The following PKNOX2 variants were observed in gnomAD, a reference collection of about 807,000 sequenced individuals.
PKNOX2 encodes PBX/knotted 1 homeobox 2, also known as homeobox protein PKNOX2.
A neutral mutation model predicts 53.1 loss-of-function variants in PKNOX2; 14 were observed. The ratio of observed to expected loss-of-function variants is 0.26; its 90% confidence interval spans 0.17 to 0.41. The LOEUF is 0.41. Ranked by LOEUF, PKNOX2 falls within the 10% of genes least tolerant of loss-of-function variation. The pLI, the probability that PKNOX2 is intolerant of heterozygous loss-of-function variation, is 1.00. For synonymous variants in PKNOX2, 257 were observed against 242.8 expected (o/e 1.06, Z -0.54); for missense variants, 496 against 602.8 (o/e 0.82, Z 1.85).
At chr11:125,170,231 C>G (rs932464618) in intron 1 of PKNOX2, among the ~76,000 whole-genome samples, 1 of 152,208 alleles carries the variant, frequency 6.6e-6, no homozygotes, top group African/African-American at 2.4e-5. Flanking sequence ...TCGTAGACTC[C>G]TTCTGTTCCG....
intron 6 of PKNOX2, 81 bp downstream of exon 6, chr11:125,385,803 T>G: frequency 9.4e-6 from 14 of 1,495,204 alleles, no homozygotes; most frequent in Non-Finnish European, 1.3e-5. Context: ...AATGATCCTT[T>G]CATTAATTTA....
chr11:125,187,078 T>C (rs1422946383), intron 1 of PKNOX2, among the ~76,000 whole-genome samples: 1 of 152,210 alleles, frequency 6.6e-6, no homozygotes, highest in Non-Finnish European at 1.5e-5. Context: ...TAAATGTCCA[T>C]CCCCATACCA....
intron 12 of PKNOX2, 82 bp from the exon 13 acceptor site, chr11:125,431,084 T>C: frequency 1.3e-6 from 2 of 1,518,122 alleles, no homozygotes; most frequent in South Asian, 1.3e-5. Flanking sequence ...TATGAGCCAG[T>C]CCATTAAACC....
At chr11:125,193,840 AC>A (rs1339838427) in intron 1 of PKNOX2, among the ~76,000 whole-genome samples, 2 of 152,302 alleles carry the variant, frequency 1.3e-5, no homozygotes, top group Non-Finnish European at 2.9e-5. Flanking sequence ...GGAATGGAGC[AC>A]ATTCAAGAAC....
At chr11:125,309,103 T>G (rs1288454880) in intron 2 of PKNOX2, among the ~76,000 whole-genome samples, 12 of 148,538 alleles carry the variant, frequency 8.1e-5, no homozygotes, top group African/African-American at 3.2e-4. Flanking sequence ...CTTGTAGTCA[T>G]TCAGCCTGAG....
In PKNOX2 at chr11:125,181,423, G is replaced by A. The variant is rs905511257; in HGVS notation, c.-201+16647G>A. Among the ~76,000 whole-genome samples the A allele has an allele frequency of 2.6e-5, 4 of 152,374 alleles. No individual in the cohort carries two copies. The East Asian group carries it at 7.7e-4, about 29-fold the overall frequency. ...AAGTGCTGCCTGAAGGAAGCAGAAT[G>A]TTTGGATAGCAGGAGAGAGGCTTTG... is the stretch of plus-strand genomic sequence containing the variant. On this transcript the variant is annotated intron_variant, in intron 1 of 12. Transcript: ENST00000298282.
rs570644901 is a variant in PKNOX2, at chr11:125,165,188, T to C, written c.-201+412T>C. Among the ~76,000 whole-genome samples, 1,105 of 150,596 alleles carry C rather than the reference T, an allele frequency of 7.3e-3. 8 individuals are homozygous for C. The highest frequency in any genetic ancestry group is 0.025 in the African/African-American group (1,026 of 41,340). ...CGCCGCCTCGCCGCGCTTGGGCCCG[T>C]GGCCGGCCGCGCATTGTCCTCGGGT... On this transcript the variant is annotated intron_variant, in intron 1 of 12. Coordinates refer to ENST00000298282, the MANE Select transcript of PKNOX2 (RefSeq NM_001382323.2). This position sits in a 1 kb window ranked among gnomAD's most constrained non-coding sequence, Gnocchi z 4.5.
intron 4 of PKNOX2, among the ~76,000 whole-genome samples, chr11:125,364,907 CG>C (rs1334316381): frequency 2.6e-5 from 4 of 152,040 alleles, no homozygotes; most frequent in Admixed American, 2.6e-4. Flanking sequence ...ATCTTCTCCA[CG>C]GTGGCCCAGC....
At chr11:125,322,274 T>C (rs1949557941) in intron 2 of PKNOX2, among the ~76,000 whole-genome samples, 2 of 152,258 alleles carry the variant, frequency 1.3e-5, no homozygotes, top group African/African-American at 2.4e-5. Flanking sequence ...GGGTTTATTG[T>C]CAGAGTTTAG....
chr11:125,235,310 A>G (rs754563386), intron 2 of PKNOX2, among the ~76,000 whole-genome samples, 195 bp downstream of exon 2: 1 of 152,240 alleles, frequency 6.6e-6, no homozygotes, highest in Non-Finnish European at 1.5e-5. Context: ...GTAATATGAC[A>G]TCGTATTTAA....
chr11:125,405,439 G>A (rs997296471), intron 7 of PKNOX2, among the ~76,000 whole-genome samples: 2 of 152,176 alleles, frequency 1.3e-5, no homozygotes, highest in African/African-American at 2.4e-5. Context: ...GTGGCTCACA[G>A]GGACAGACAG....
At chr11:125,198,325 T>G (rs569365465) in intron 1 of PKNOX2, among the ~76,000 whole-genome samples, 1 of 152,120 alleles carries the variant, frequency 6.6e-6, no homozygotes. Flanking sequence ...GCTTTTTGGA[T>G]AGAAAGGCCA....
rs565409278 is a variant in PKNOX2 at position 125,373,838 on chromosome 11, A to G, written c.227+5853A>G. Among the ~76,000 whole-genome samples, 3 of 152,322 alleles carry G rather than the reference A, an allele frequency of 2.0e-5. No individual in the cohort carries two copies. In the South Asian group the frequency reaches 6.2e-4, roughly 32 times the overall value. On this transcript the variant is annotated intron_variant, in intron 5 of 12. Coordinates refer to ENST00000298282, the MANE Select transcript of PKNOX2 (RefSeq NM_001382323.2). ...AAACTTGGCACACAGCATGGGCTCAAAAAAGTGTTTGTGGATTTGACCGCA... is the reference window on the plus strand; with the variant it reads ...AAACTTGGCACACAGCATGGGCTCAGAAAAGTGTTTGTGGATTTGACCGCA...
intron 2 of PKNOX2, among the ~76,000 whole-genome samples, chr11:125,293,577 C>T (rs1027459503): frequency 3.9e-5 from 6 of 152,202 alleles, no homozygotes; most frequent in African/African-American, 1.2e-4. Flanking sequence ...CCATCTAACC[C>T]TCTGGGCATC....
intron 5 of PKNOX2, among the ~76,000 whole-genome samples, chr11:125,381,181 C>G (rs1953203424): frequency 1.3e-5 from 2 of 152,128 alleles, no homozygotes; most frequent in South Asian, 4.1e-4. Context: ...CCCCGCTGAC[C>G]ATGACCATGG....
At chr11:125,402,075 C>T (rs185225114) in intron 7 of PKNOX2, among the ~76,000 whole-genome samples, 2 of 152,174 alleles carry the variant, frequency 1.3e-5, no homozygotes, top group African/African-American at 4.8e-5. Flanking sequence ...CCATCCAGAT[C>T]GATGGGTTGA....
At chr11:125,384,400 G>C (rs1297149450) in intron 5 of PKNOX2, among the ~76,000 whole-genome samples, 1 of 152,168 alleles carries the variant, frequency 6.6e-6, no homozygotes, top group Non-Finnish European at 1.5e-5. Context: ...AAAATCCATA[G>C]AGCCAGGCCG....
chr11:125,415,184 G>A (rs11220054), intron 10 of PKNOX2, among the ~76,000 whole-genome samples: 60,172 of 150,782 alleles, frequency 0.4, 12,355 homozygotes, highest in Middle Eastern at 0.51. Flanking sequence ...CCCCAAAAGA[G>A]GTTCCATGGT....
intron 1 of PKNOX2, among the ~76,000 whole-genome samples, chr11:125,222,315 G>T (rs1480327102): frequency 1.3e-5 from 2 of 151,962 alleles, no homozygotes; most frequent in Admixed American, 6.6e-5. Context: ...TCTCTGAGGT[G>T]CACTGGGGGG....
Sources: gnomAD v4.1 joint callset for allele counts (sites outside exome capture counted in the v4.1 genomes callset) on GRCh38, gnomAD v4.1.1 for gene constraint, Gnocchi (gnomAD v3.1) non-coding constraint, MANE v1.5 for transcripts, NCBI Gene and HGNC (gene_info 2026-07-23, HGNC 2026-07-21) for gene names.